METTL2A: variants seen among roughly 807,000 people sequenced by gnomAD.
METTL2A encodes methyltransferase 2A, tRNA N3-cytidine, also known as tRNA N(3)-cytidine methyltransferase METTL2A.
In METTL2A, 45 loss-of-function variants were observed where a neutral mutation model predicts 49.4. The observed-to-expected ratio is 0.91, with a 90% CI of 0.72 to 1.17. The LOEUF (loss-of-function observed/expected upper bound fraction) is 1.17. Ranked by LOEUF, METTL2A falls within the 50% of genes most tolerant of loss-of-function variation. METTL2A has a pLI of 0.00. For synonymous variants in METTL2A, 118 were observed against 167.5 expected (o/e 0.70, Z 2.28); for missense variants, 361 against 462.2 (o/e 0.78, Z 2.01).
intron 6 of METTL2A, 74 bp downstream of exon 6, chr17:62,440,830 G>T (rs2070734962): frequency 1.3e-6 from 2 of 1,552,600 alleles, no homozygotes; most frequent in Middle Eastern, 1.8e-4. Flanking sequence ...TTTAAAATAG[G>T]TTCTTGCTCT....
chr17:62,450,247 C>CATTTT lies in METTL2A; in HGVS notation c.*1518_*1519insATTTT, dbSNP rs1396756918. 9.9e-5 allele frequency: 8 copies of CATTTT among 80,540 alleles called. 2 individuals are homozygous for CATTTT. Among genetic ancestry groups the CATTTT allele is most frequent in the Non-Finnish European group, 6.3e-5 (3 of 47,276 alleles). 5.0% of individuals were successfully genotyped at this position (80,540 alleles called of 1,614,324 possible). A position where few individuals can be genotyped will look rare whatever the true frequency, so the allele number is the denominator to read the frequency against. ...TGTGATCATTATCAGTGTTAGATGC[C>CATTTT]TTTTTTTTTTTTTTTTTTTTTTTTT... On this transcript the variant is annotated 3_prime_UTR_variant, in exon 9 of 9. Transcript: ENST00000311506.
intron 5 of METTL2A, among the ~76,000 whole-genome samples, chr17:62,436,051 G>A (rs2070698069): frequency 6.6e-6 from 1 of 152,008 alleles, no homozygotes; most frequent in Non-Finnish European, 1.5e-5. Flanking sequence ...CTGACCAAGT[G>A]AAACCCTGTC....
chr17:62,429,075 C>T (rs753295295), intron 4 of METTL2A, among the ~76,000 whole-genome samples: 6 of 152,094 alleles, frequency 3.9e-5, no homozygotes. Context: ...CATAAGTCAC[C>T]GTTCCCAGCC....
At chr17:62,440,526 A>G (rs1299309101) in intron 5 of METTL2A, 91 bp from the exon 6 acceptor site, 1 of 1,488,744 alleles carries the variant, frequency 6.7e-7, no homozygotes. Context: ...TGAAGTAGCA[A>G]CAGTTACATT....
chr17:62,451,444 G>A lies in METTL2A; in HGVS notation c.*2715G>A, dbSNP rs1227659216. 1.2e-4 allele frequency among the ~76,000 whole-genome samples: 17 copies of A among 142,048 alleles called. No individual in the cohort carries two copies. The highest frequency in any genetic ancestry group is 2.0e-4 in the Non-Finnish European group (13 of 64,966). The allele number at this position is 142,048 out of a possible 152,430, so 93.2% of individuals were successfully genotyped here. A position where few individuals can be genotyped will look rare whatever the true frequency, so the allele number is the denominator to read the frequency against. On this transcript the variant is annotated 3_prime_UTR_variant, in exon 9 of 9. Coordinates refer to ENST00000311506, the MANE Select transcript of METTL2A (RefSeq NM_181725.4). ...ATTACAGGCGTGAGCCACCACGCCC[G>A]GCCAAGACCCTGACTTTTTAAAAAA...
At chr17:62,447,187 G>A (rs1194828174) in intron 7 of METTL2A, among the ~76,000 whole-genome samples, 3 of 152,178 alleles carry the variant, frequency 2.0e-5, no homozygotes, top group Non-Finnish European at 4.4e-5. Flanking sequence ...GGGAGGCCAC[G>A]GTGGGTGGAT....
chr17:62,435,971 C>T (rs2070697207), intron 5 of METTL2A, among the ~76,000 whole-genome samples: 2 of 152,196 alleles, frequency 1.3e-5, no homozygotes, highest in South Asian at 2.1e-4. Flanking sequence ...TGCGGTGACT[C>T]ATGCCTGTAA....
chr17:62,452,973 G>A lies in METTL2A; in HGVS notation c.*4244G>A, dbSNP rs2070813435. 1.3e-5 allele frequency among the ~76,000 whole-genome samples: 2 copies of A among 152,094 alleles called. No individual in the cohort carries two copies. The highest frequency in any genetic ancestry group is 1.3e-4 in the Admixed American group (2 of 15,270). ...GAGAGCTCCCATCTTTTCCATTACT[G>A]TATTTACTTAAAACTGGAAAAAACT... On this transcript the variant is annotated 3_prime_UTR_variant, in exon 9 of 9. Transcript: ENST00000311506.
Position 62,449,439 on chromosome 17 carries a change from G to A in METTL2A, c.*710G>A, listed in dbSNP as rs1416522957. 2.0e-5 allele frequency: 9 copies of A among 450,414 alleles called. No homozygotes were observed. The highest frequency in any genetic ancestry group is 7.2e-5 in the East Asian group (1 of 13,820). 27.9% of individuals were successfully genotyped at this position (450,414 alleles called of 1,614,324 possible). A position where few individuals can be genotyped will look rare whatever the true frequency, so the allele number is the denominator to read the frequency against. On this transcript the variant is annotated 3_prime_UTR_variant, in exon 9 of 9. Transcript: ENST00000311506. ...CTTTAATCTTAGTTCCGCCAGGCAC[G>A]GTGGCTCACACCTGTAATCCCAGCA...
At position 62,450,110 on chromosome 17, in the gene METTL2A, A is replaced by G. The variant is rs946823789; in HGVS notation, c.*1381A>G. On this transcript the variant is annotated 3_prime_UTR_variant, in exon 9 of 9. Coordinates refer to ENST00000311506, the MANE Select transcript of METTL2A (RefSeq NM_181725.4). ...CTCCGTCTCAAAAAAAAAAAAGAAAAGAATTTTCACTTTTTGCAAAATTAT... is the reference window on the plus strand; with the variant it reads ...CTCCGTCTCAAAAAAAAAAAAGAAAGGAATTTTCACTTTTTGCAAAATTAT... 6.6e-6 allele frequency: 1 copy of G among 152,064 alleles called. No homozygotes were observed. The highest frequency in any genetic ancestry group is 6.6e-5 in the Admixed American group (1 of 15,240). The allele number at this position is 152,064 out of a possible 1,614,324, so 9.4% of individuals were successfully genotyped here.
intron 4 of METTL2A, among the ~76,000 whole-genome samples, chr17:62,431,346 A>G (rs1414947078): frequency 1.3e-5 from 2 of 148,328 alleles, no homozygotes; most frequent in South Asian, 2.1e-4. Context: ...GAGTTACCCT[A>G]TTGCCTGGAT....
Position 62,448,725 on chromosome 17 carries a change from G to T in METTL2A, c.1133G>T (p.Ser378Ile), listed in dbSNP as rs1336510812. Residue 378 changes from serine (S) to isoleucine (I), a missense_variant, in exon 9 of 9, where the codon AGC becomes ATC. Ser to Ile is a moderately radical substitution (Grantham distance 142). Around this residue, in one of 3 missense-constraint regions of METTL2A, gnomAD observed 183 missense variants for 216.5 expected, o/e 0.85. Coordinates refer to ENST00000311506, the MANE Select transcript of METTL2A (RefSeq NM_181725.4). Reference sequence around the variant, plus strand: ...TGCAAGCCCCTTCTGTCCAGCACCAGCTGAGAGGCACCTGCTGCCAACACG... The same window carrying T: ...TGCAAGCCCCTTCTGTCCAGCACCATCTGAGAGGCACCTGCTGCCAACACG... ...KYCKPLLSST[S>I] 3 of 1,613,684 alleles carry T rather than the reference G, an allele frequency of 1.9e-6. No homozygotes were observed. The Admixed American group carries it at 5.0e-5, about 27-fold the overall frequency.
At chr17:62,425,292 A>G (rs2070616020) in intron 2 of METTL2A, among the ~76,000 whole-genome samples, 1 of 151,386 alleles carries the variant, frequency 6.6e-6, no homozygotes. Context: ...TCTTTCTACT[A>G]CACTAGTCAA....
At chr17:62,437,764 G>A (rs1390861855) in intron 5 of METTL2A, among the ~76,000 whole-genome samples, 2 of 151,814 alleles carry the variant, frequency 1.3e-5, no homozygotes, top group Non-Finnish European at 2.9e-5. Flanking sequence ...ACGAGGTCAG[G>A]AGTTCGATAC....
chr17:62,433,945 C>T (rs1182984499), intron 4 of METTL2A, among the ~76,000 whole-genome samples: 1 of 151,850 alleles, frequency 6.6e-6, no homozygotes, highest in Non-Finnish European at 1.5e-5. Flanking sequence ...ACCTGTAATC[C>T]GAGCTACTTG....
chr17:62,437,915 T>A (rs765245736), intron 5 of METTL2A, among the ~76,000 whole-genome samples: 1 of 150,786 alleles, frequency 6.6e-6, no homozygotes. Context: ...GAGGTTGCAG[T>A]GAGCCGAGAT....
chr17:62,446,926 G>A (rs1355754214), intron 7 of METTL2A, among the ~76,000 whole-genome samples: 1 of 152,182 alleles, frequency 6.6e-6, no homozygotes, highest in Non-Finnish European at 1.5e-5. Flanking sequence ...AGGTCTAGAA[G>A]TATGTGCCAG....
rs766679692 is a variant in METTL2A at position 62,426,347 on chromosome 17, T to C, written c.251T>C (p.Ile84Thr). 5 of 1,613,486 alleles carry C rather than the reference T, an allele frequency of 3.1e-6. No homozygotes were observed. Among genetic ancestry groups the C allele is most frequent in the South Asian group, 1.1e-5 (1 of 91,066 alleles). The change falls in exon 3 of 9, where the codon ATC (isoleucine) becomes ACC (threonine). Residue 84 changes from isoleucine to threonine, a missense_variant. Physicochemically the swap from Ile to Thr is moderately conservative, Grantham distance 89. Transcript: ENST00000311506. ...AAATACTGGAATGACTTCTACAAAA[T>C]CCACGAAAATGGGTTTTTCAAGGAT... ...AHKYWNDFYK[I>T]HENGFFKDRH...
chr17:62,431,596 G>A (rs2070665955), intron 4 of METTL2A, among the ~76,000 whole-genome samples: 1 of 152,022 alleles, frequency 6.6e-6, no homozygotes, highest in Admixed American at 6.6e-5. Flanking sequence ...TAATGTATCT[G>A]ATAAAGCCTT....
Sources: gnomAD v4.1 joint callset for allele counts (sites outside exome capture counted in the v4.1 genomes callset) on GRCh38, gnomAD v4.1.1 for gene constraint, gnomAD v4.1.1 regional missense constraint, MANE v1.5 for transcripts, NCBI Gene and HGNC (gene_info 2026-07-23, HGNC 2026-07-21) for gene names.